USP22: variants seen among roughly 807,000 people sequenced by gnomAD.
The protein encoded by USP22 is ubiquitin specific peptidase 22.
Under a neutral mutation model 68.1 loss-of-function variants are expected in USP22, and 22 were observed. The observed-to-expected ratio is 0.32, with a 90% CI of 0.23 to 0.46. USP22 has a LOEUF of 0.46. Among genes scored for constraint, USP22 ranks in the 20% least tolerant of loss-of-function variants. The pLI is 1.00. For missense variants in USP22, 433 were observed against 695.8 expected, an observed-to-expected ratio of 0.62 and a Z score of 4.25; for synonymous variants, 279 against 274.2, an observed-to-expected ratio of 1.02 and a Z score of -0.17.
Position 21,021,131 on chromosome 17 carries a change from T to C in USP22, c.400A>G (p.Lys134Glu). The change falls in exon 3 of 13, where the codon AAA (lysine) becomes GAA (glutamate). Residue 134 changes from lysine to glutamate, a missense_variant. Physicochemically the swap from Lys to Glu is moderately conservative, Grantham distance 56 (BLOSUM62 1). This residue lies in a region of USP22 where 144 missense variants were observed against 237.2 expected (regional missense o/e 0.61). Coordinates refer to ENST00000261497, the MANE Select transcript of USP22 (RefSeq NM_015276.2). The stretch of plus-strand genomic sequence containing the variant: ...ACCAAACCTTGCATTTTCCAAGCTT[T>C]TCGCTGCTCCTCCTTGGCGATTATT... Reference protein sequence around the residue: ...MEIIAKEEQRKAWKMQGVGEK... With the variant: ...MEIIAKEEQREAWKMQGVGEK... The C allele has an allele frequency of 6.2e-7, 1 of 1,614,130 alleles. No individual in the cohort carries two copies. The highest frequency in any genetic ancestry group is 8.5e-7 in the Non-Finnish European group (1 of 1,179,978).
At chr17:21,017,880 T>G (rs1472909487) in intron 5 of USP22, 62 bp downstream of exon 5, 1 of 1,590,194 alleles carries the variant, frequency 6.3e-7, no homozygotes, top group East Asian at 2.2e-5. Context: ...CCTTAAATTT[T>G]TTTTTTGAAG....
At chr17:21,040,409 G>C (rs186337738) in intron 1 of USP22, among the ~76,000 whole-genome samples, 73 of 152,322 alleles carry the variant, frequency 4.8e-4, no homozygotes, top group Non-Finnish European at 4.9e-4. Context: ...AGCATGGAGG[G>C]CTTAAGGGCT....
intron 2 of USP22, among the ~76,000 whole-genome samples, chr17:21,027,103 T>G (rs1312523296): frequency 1.3e-5 from 2 of 151,318 alleles, no homozygotes; most frequent in African/African-American, 4.9e-5. Flanking sequence ...CTACAAAAAA[T>G]TTTTCAACAC....
intron 8 of USP22, 23 bp downstream of exon 8, chr17:21,011,128 C>A (rs1316519081): frequency 6.4e-7 from 1 of 1,561,372 alleles, no homozygotes; most frequent in Admixed American, 1.8e-5. Context: ...CACGCCCCCG[C>A]CGTGTGGGTG....
At chr17:21,035,235 T>C (rs988537788) in intron 1 of USP22, among the ~76,000 whole-genome samples, 4 of 152,172 alleles carry the variant, frequency 2.6e-5, no homozygotes, top group African/African-American at 9.7e-5. Context: ...ATTCTCTGAG[T>C]TTCTTACCAG....
In USP22 at chr17:21,029,032, G is replaced by T. The variant is rs548756350; in HGVS notation, c.172-358C>A. Among the ~76,000 whole-genome samples the T allele has an allele frequency of 6.7e-5, 10 of 149,326 alleles. No homozygotes were observed. The South Asian group carries it at 2.1e-3, about 32-fold the overall frequency. On this transcript the variant is annotated intron_variant, in intron 1 of 12. Coordinates refer to ENST00000261497, the MANE Select transcript of USP22 (RefSeq NM_015276.2). ...ACTCACACCTAGTCACCCTTAACCTGGACATCATTTCAGATTTGCAAATCC... is the reference window on the plus strand; with the variant it reads ...ACTCACACCTAGTCACCCTTAACCTTGACATCATTTCAGATTTGCAAATCC...
intron 1 of USP22, among the ~76,000 whole-genome samples, 189 bp downstream of exon 1, chr17:21,042,472 GGAGA>G (rs1311255879): frequency 7.0e-6 from 1 of 141,932 alleles, no homozygotes; most frequent in Non-Finnish European, 1.5e-5. Flanking sequence ...ATAAGGGAAG[GGAGA>G]GAGTTGAGGG....
In USP22 at chr17:21,011,166, G is replaced by A. The variant is rs752874123; in HGVS notation, c.1088C>T (p.Thr363Met). The A allele has an allele frequency of 4.4e-6, 7 of 1,602,354 alleles. No individual in the cohort carries two copies. Among genetic ancestry groups the A allele is most frequent in the African/African-American group, 2.7e-5 (2 of 74,796 alleles). ...GGCCTCTCACCGTCGCAGGCAGTCC[G>A]TGAGCGTGGTGGTTCCCGACACGTG... Reference protein sequence around the residue: ...ESHVSGTTTLTDCLRRFTRPE... With the variant: ...ESHVSGTTTLMDCLRRFTRPE... Residue 363 changes from threonine to methionine, a missense_variant, in exon 8 of 13, where the codon ACG becomes ATG. By Grantham distance (81) the Thr-to-Met change is moderately conservative. Around this residue, in one of 4 missense-constraint regions of USP22, gnomAD observed 178 missense variants for 351.5 expected, o/e 0.51. Transcript: ENST00000261497.
rs1347712170 is a variant in USP22 at position 21,015,764 on chromosome 17, G to A, written c.826C>T (p.Arg276Ter). 2.5e-6 allele frequency: 4 copies of A among 1,613,062 alleles called. No individual in the cohort carries two copies. The highest frequency in any genetic ancestry group is 2.2e-5 in the East Asian group (1 of 44,850). Residue 276 changes from arginine to a stop codon, truncating the protein, a stop_gained, in exon 6 of 13, where the codon CGA becomes TGA. Transcript: ENST00000261497. LOFTEE classifies it high-confidence loss of function. ...GCCCAGGGCCCACCTTTGCAGTGTCGGTGGAGCACGTCCAGGGCCGCGATG... is the reference window on the plus strand; with the variant it reads ...GCCCAGGGCCCACCTTTGCAGTGTCAGTGGAGCACGTCCAGGGCCGCGATG... ...FLIAALDVLH[R>*]HCKGDDNGKK...
Position 21,042,875 on chromosome 17 carries a change from G to A in USP22, c.-40C>T, listed in dbSNP as rs1972460390. On this transcript the variant is annotated 5_prime_UTR_variant, in exon 1 of 13. Transcript: ENST00000261497. ...GGCCGCGCGCGGGGGGCGGCGGCGA[G>A]GGAGGCGAGGACGACGCCAGCGCGG... 4.9e-6 allele frequency: 6 copies of A among 1,220,910 alleles called. No homozygotes were observed. The South Asian group carries it at 1.7e-4, about 35-fold the overall frequency. The allele number at this position is 1,220,910 out of a possible 1,614,324, so 75.6% of individuals were successfully genotyped here. A position where few individuals can be genotyped will look rare whatever the true frequency, so the allele number is the denominator to read the frequency against.
chr17:21,009,485 T>C (rs1441383989), intron 8 of USP22, among the ~76,000 whole-genome samples: 1 of 152,028 alleles, frequency 6.6e-6, no homozygotes, highest in East Asian at 1.9e-4. Context: ...ACTCTACCTC[T>C]CCTCCACCTT....
intron 5 of USP22, among the ~76,000 whole-genome samples, 194 bp from the exon 6 acceptor site, chr17:21,016,093 A>G (rs1409888770): frequency 1.3e-5 from 2 of 152,110 alleles, no homozygotes. Context: ...GAGTCCTCAT[A>G]TGAATTTTTT....
chr17:21,034,965 C>T (rs780399506), intron 1 of USP22, among the ~76,000 whole-genome samples: 1 of 152,158 alleles, frequency 6.6e-6, no homozygotes, highest in Admixed American at 6.5e-5. Context: ...AGACAACTAC[C>T]GGAGGTCTTG....
chr17:21,039,384 T>C (rs1597703296), intron 1 of USP22, among the ~76,000 whole-genome samples: 1 of 151,452 alleles, frequency 6.6e-6, no homozygotes, highest in East Asian at 2.0e-4. Flanking sequence ...TCGAGACCAG[T>C]CTGACCAACA....
intron 4 of USP22, 138 bp from the exon 5 acceptor site, chr17:21,018,249 G>A (rs1353977461): frequency 2.4e-5 from 19 of 786,234 alleles, no homozygotes; most frequent in East Asian, 1.7e-4. Flanking sequence ...ATGAGATATC[G>A]CATTCTGCTA....
chr17:21,039,906 A>G (rs1972404747), intron 1 of USP22, among the ~76,000 whole-genome samples: 1 of 152,180 alleles, frequency 6.6e-6, no homozygotes, highest in African/African-American at 2.4e-5. Context: ...AGTTCATATC[A>G]TTAAAACCAA....
intron 11 of USP22, 34 bp from the exon 12 acceptor site, chr17:21,004,385 G>C (rs373175544): frequency 1.2e-5 from 20 of 1,609,066 alleles, no homozygotes; most frequent in Non-Finnish European, 1.6e-5. Context: ...GAGGGCGCAG[G>C]TGACTTGATG....
chr17:21,038,614 G>A (rs1479852836), intron 1 of USP22, among the ~76,000 whole-genome samples: 1 of 151,076 alleles, frequency 6.6e-6, no homozygotes. Flanking sequence ...GCTGCAGTGA[G>A]CCATGATCAT....
At chr17:21,011,517 G>T in intron 7 of USP22, 1 of 584,612 alleles carries the variant, frequency 1.7e-6, no homozygotes, top group South Asian at 2.0e-5. Flanking sequence ...GGGTGTGTGT[G>T]AACTCGGAAG....
Sources: allele counts gnomAD v4.1 joint callset (sites outside exome capture counted in the v4.1 genomes callset), GRCh38; gene constraint gnomAD v4.1.1; regional missense constraint gnomAD v4.1.1; transcripts MANE v1.5; gene names NCBI Gene and HGNC (gene_info 2026-07-23, HGNC 2026-07-21).